The following ITPKB variants were observed in gnomAD, a reference collection of about 807,000 sequenced individuals.
ITPKB encodes the protein IP3 3-kinase B.
ITPKB carries 13 observed loss-of-function variants against 69.4 expected under a neutral mutation model. The ratio of observed to expected loss-of-function variants is 0.19; its 90% CI spans 0.12 to 0.30. The LOEUF is 0.30. ITPKB is among the 10% of genes least tolerant of loss of function. The probability of loss-of-function intolerance (pLI) is 1.00; values close to 1 mark genes in which losing one functional copy is unlikely to be tolerated. For missense variants in ITPKB, 1,240 were observed against 1,250.5 expected (o/e 0.99, Z 0.13); for synonymous variants, 584 against 513.7 (o/e 1.14, Z -1.85).
intron 1 of ITPKB, among the ~76,000 whole-genome samples, chr1:226,737,875 C>G (rs1657855290): frequency 6.6e-6 from 1 of 152,172 alleles, no homozygotes; most frequent in East Asian, 1.9e-4. Context: ...TTCCCCGCCC[C>G]CCACCTCGCC....
intron 2 of ITPKB, among the ~76,000 whole-genome samples, chr1:226,690,356 A>G (rs1656319171): frequency 6.6e-6 from 1 of 152,224 alleles, no homozygotes; most frequent in Non-Finnish European, 1.5e-5. Context: ...TTAGATGTAG[A>G]CAACCAGGCT....
intron 2 of ITPKB, among the ~76,000 whole-genome samples, chr1:226,675,845 G>A (rs909378504): frequency 2.6e-5 from 4 of 152,144 alleles, no homozygotes; most frequent in Non-Finnish European, 4.4e-5. Context: ...CTCCTCAAAC[G>A]CATCCTCTCG....
intron 2 of ITPKB, chr1:226,707,936 G>T: frequency 7.5e-7 from 1 of 1,326,898 alleles, no homozygotes; most frequent in South Asian, 1.2e-5. Flanking sequence ...AAGAAAAGAG[G>T]TCATTTTAAC....
In ITPKB at chr1:226,637,846, T is replaced by C; in HGVS notation, c.2554-96A>G. 3.4e-6 allele frequency: 3 copies of C among 887,770 alleles called. No individual in the cohort carries two copies. Among genetic ancestry groups the C allele is most frequent in the Non-Finnish European group, 3.7e-6 (2 of 543,050 alleles). The allele number at this position is 887,770 out of a possible 1,614,324, so 55.0% of individuals were successfully genotyped here. ...CCTCTAGTGGTCCCTCCCGTGAATGTGCTTTACCCTAAACGCCGGACATCT... is the reference window on the plus strand; with the variant it reads ...CCTCTAGTGGTCCCTCCCGTGAATGCGCTTTACCCTAAACGCCGGACATCT... On this transcript the variant is annotated intron_variant, in intron 6 of 7. Coordinates refer to ENST00000429204, the MANE Select transcript of ITPKB (RefSeq NM_002221.4). The surrounding 1 kb of genome is among the most constrained non-coding windows in gnomAD (Gnocchi z 4.3).
At chr1:226,640,465 G>A (rs1158348561) in intron 5 of ITPKB, among the ~76,000 whole-genome samples, 1 of 152,190 alleles carries the variant, frequency 6.6e-6, no homozygotes, top group East Asian at 1.9e-4. Flanking sequence ...GGGTGCAGGA[G>A]GGGCCGAGAG....
At position 226,737,080 on chromosome 1, in the gene ITPKB, C is replaced by A. The variant is rs760169839; in HGVS notation, c.379G>T (p.Ala127Ser). The change falls in exon 2 of 8, where the codon GCC (alanine) becomes TCC (serine). Residue 127 changes from alanine to serine, a missense_variant. By Grantham distance (99) the Ala-to-Ser change is moderately conservative. Transcript: ENST00000429204. ...GTLSPPGPEE[A>S]KRKLRILQRE... ...TGCAAGATCCGCAGCTTCCTCTTGGCCTCCTCCGGCCCTGGCGGGGAGAGG... is the reference window on the plus strand; with the variant it reads ...TGCAAGATCCGCAGCTTCCTCTTGGACTCCTCCGGCCCTGGCGGGGAGAGG... The A allele has an allele frequency of 1.2e-6, 2 of 1,610,042 alleles. No homozygotes were observed. The highest frequency in any genetic ancestry group is 2.2e-5 in the South Asian group (2 of 91,086).
chr1:226,704,331 A>G (rs1055729899), intron 2 of ITPKB, among the ~76,000 whole-genome samples: 4 of 152,264 alleles, frequency 2.6e-5, no homozygotes, highest in African/African-American at 9.6e-5. Context: ...ATAAAGTAAT[A>G]ACACTACTTA....
At chr1:226,732,962 A>G (rs1044689379) in intron 2 of ITPKB, among the ~76,000 whole-genome samples, 2 of 152,348 alleles carry the variant, frequency 1.3e-5, no homozygotes, top group African/African-American at 4.8e-5. Context: ...AGGATGAAGA[A>G]AGCGCCACAG....
intron 2 of ITPKB, among the ~76,000 whole-genome samples, chr1:226,710,193 TC>T (rs1656908838): frequency 1.3e-5 from 2 of 152,064 alleles, no homozygotes; most frequent in Admixed American, 6.5e-5. Context: ...GGTGATAATG[TC>T]CCTCAGAAGA....
intron 2 of ITPKB, 128 bp downstream of exon 2, chr1:226,735,399 T>C: frequency 9.5e-7 from 1 of 1,051,222 alleles, no homozygotes; most frequent in Non-Finnish European, 1.3e-6. Context: ...TTATTCACTG[T>C]GACTGTCCCA....
chr1:226,717,178 T>C (rs979511439), intron 2 of ITPKB, among the ~76,000 whole-genome samples: 1 of 152,148 alleles, frequency 6.6e-6, no homozygotes, highest in Non-Finnish European at 1.5e-5. Context: ...CTCAAACTAG[T>C]AGCAATCCCA....
rs147889095 is a variant in ITPKB at position 226,737,174 on chromosome 1, ACTGCCGCTG to A, written c.276_284del (p.Gly94_Ser96del). Reference sequence around the variant, plus strand: ...CAGCCCAACTTGGGCTGCTCACGCTACTGCCGCTGCTGCCGCTGCCACTGCCGCTGCTAC... The same window carrying A: ...CAGCCCAACTTGGGCTGCTCACGCTACTGCCGCTGCCACTGCCGCTGCTAC... On this transcript the variant is annotated inframe_deletion, in exon 2 of 8. Transcript: ENST00000429204. 0.28 allele frequency: 446,735 copies of A among 1,590,658 alleles called. 63,601 individuals are homozygous for A. The highest frequency in any genetic ancestry group is 0.31 in the Middle Eastern group (1,863 of 5,916).
intron 2 of ITPKB, among the ~76,000 whole-genome samples, chr1:226,665,287 G>C (rs990430380): frequency 5.3e-5 from 8 of 152,208 alleles, no homozygotes; most frequent in South Asian, 4.1e-4. Context: ...GCTGGATTTA[G>C]AGACAAAGGG....
At chr1:226,732,102 CAA>C (rs532778037) in intron 2 of ITPKB, among the ~76,000 whole-genome samples, 1,426 of 76,272 alleles carry the variant, frequency 0.019, 26 homozygotes, top group East Asian at 0.055. Flanking sequence ...TAGTCAACAT[CAA>C]AAAAAAAAAA....
intron 2 of ITPKB, among the ~76,000 whole-genome samples, chr1:226,728,408 A>C (rs1657486465): frequency 6.6e-6 from 1 of 152,242 alleles, no homozygotes; most frequent in Non-Finnish European, 1.5e-5. Context: ...ACGCCAGACA[A>C]GTTAGTCAAA....
At chr1:226,689,304 T>C (rs1211703875) in intron 2 of ITPKB, among the ~76,000 whole-genome samples, 6 of 152,234 alleles carry the variant, frequency 3.9e-5, no homozygotes, top group Non-Finnish European at 7.3e-5. Flanking sequence ...TCTGTGCTGA[T>C]TCCACTGGGG....
rs193051525 is a variant in ITPKB, at chr1:226,642,902, C to A, written c.2247-777G>T. Among the ~76,000 whole-genome samples, 38 of 152,268 alleles carry A rather than the reference C, an allele frequency of 2.5e-4. No homozygotes were observed. Among genetic ancestry groups the A allele is most frequent in the African/African-American group, 6.0e-4 (25 of 41,534 alleles). ...CAAAGAGGTGAAATCTTCTGGAGCA[C>A]AAAGTTCAGGTCAGAAAGTGGCCTT... is the stretch of plus-strand genomic sequence containing the variant. On this transcript the variant is annotated intron_variant, in intron 4 of 7. Transcript: ENST00000429204. This position sits in a 1 kb window ranked among gnomAD's most constrained non-coding sequence, Gnocchi z 6.4.
intron 2 of ITPKB, among the ~76,000 whole-genome samples, chr1:226,701,883 G>A (rs944900307): frequency 6.6e-6 from 1 of 152,102 alleles, no homozygotes; most frequent in African/African-American, 2.4e-5. Flanking sequence ...CCCTAATTCT[G>A]CAGAATAACT....
At chr1:226,721,585 T>A (rs1213625194) in intron 2 of ITPKB, among the ~76,000 whole-genome samples, 1 of 151,634 alleles carries the variant, frequency 6.6e-6, no homozygotes, top group Non-Finnish European at 1.5e-5. Context: ...AACCTCTGCC[T>A]CCCAGGTTCA....
Sources: allele counts gnomAD v4.1 joint callset (sites outside exome capture counted in the v4.1 genomes callset), GRCh38; gene constraint gnomAD v4.1.1; non-coding constraint Gnocchi (gnomAD v3.1); transcripts MANE v1.5; gene names NCBI Gene and HGNC (gene_info 2026-07-23, HGNC 2026-07-21).